Variants in ADCY8 observed in about 807,000 individuals in gnomAD.
ADCY8 encodes adenylate cyclase 8.
A neutral mutation model predicts 119.7 loss-of-function variants in ADCY8; 51 were observed. The ratio of observed to expected loss-of-function variants is 0.43; its 90% CI spans 0.34 to 0.54. The LOEUF (loss-of-function observed/expected upper bound fraction) is 0.54, where lower values mean the gene tolerates loss of function less well. ADCY8 is among the 20% of genes least tolerant of loss of function. ADCY8 has a pLI of 0.03. For missense variants in ADCY8, 1,383 were observed against 1,598.8 expected (o/e 0.87, Z 2.30); for synonymous variants, 665 against 651.0 (o/e 1.02, Z -0.33).
intron 9 of ADCY8, among the ~76,000 whole-genome samples, chr8:130,856,433 G>C (rs546833431): frequency 1.3e-5 from 2 of 152,110 alleles, no homozygotes; most frequent in South Asian, 2.1e-4. Context: ...AGACACGGCC[G>C]GGCCCTTCTT....
chr8:130,826,880 A>G (rs1415295761), intron 12 of ADCY8, among the ~76,000 whole-genome samples: 3 of 150,310 alleles, frequency 2.0e-5, no homozygotes, highest in Non-Finnish European at 4.4e-5. Context: ...AGATCTTAAG[A>G]TATTTTGTTG....
At chr8:131,011,472 A>G (rs753401524) in intron 1 of ADCY8, among the ~76,000 whole-genome samples, 2 of 152,182 alleles carry the variant, frequency 1.3e-5, no homozygotes, top group Admixed American at 6.5e-5. Flanking sequence ...GACCTGGGCC[A>G]GCAGGTCACT....
intron 12 of ADCY8, among the ~76,000 whole-genome samples, chr8:130,827,653 G>A (rs576002409): frequency 2.0e-5 from 3 of 152,242 alleles, no homozygotes; most frequent in South Asian, 4.2e-4. Context: ...AACCACTTGT[G>A]TATGTCTGTG....
chr8:131,006,692 C>A (rs1823129434), intron 1 of ADCY8, among the ~76,000 whole-genome samples: 1 of 152,072 alleles, frequency 6.6e-6, no homozygotes, highest in East Asian at 1.9e-4. Flanking sequence ...CAATGCTGGG[C>A]AACATTGATA....
intron 4 of ADCY8, among the ~76,000 whole-genome samples, chr8:130,941,493 A>G (rs1447572206): frequency 6.6e-6 from 1 of 152,004 alleles, no homozygotes; most frequent in Non-Finnish European, 1.5e-5. Context: ...GATAAAAAAT[A>G]TCAGAACCAT....
At chr8:130,961,944 C>T (rs1204002926) in intron 2 of ADCY8, among the ~76,000 whole-genome samples, 1 of 152,128 alleles carries the variant, frequency 6.6e-6, no homozygotes, top group African/African-American at 2.4e-5. Flanking sequence ...CACCGTACTC[C>T]AGCCTGGGCA....
chr8:130,942,582 C>G (rs1820988156), intron 4 of ADCY8, among the ~76,000 whole-genome samples: 1 of 152,206 alleles, frequency 6.6e-6, no homozygotes, highest in Non-Finnish European at 1.5e-5. Flanking sequence ...GCAGCCTTAA[C>G]AGAGGACATT....
intron 1 of ADCY8, among the ~76,000 whole-genome samples, chr8:131,011,355 C>T (rs541274444): frequency 9.2e-5 from 14 of 152,138 alleles, no homozygotes; most frequent in South Asian, 2.1e-4. Context: ...GAGTGAATAC[C>T]GATTCAATTC....
chr8:130,876,555 C>T (rs1020628504), intron 8 of ADCY8, among the ~76,000 whole-genome samples: 6 of 152,076 alleles, frequency 3.9e-5, no homozygotes, highest in African/African-American at 7.2e-5. Context: ...TTGATTCTTA[C>T]GTGTTCATGC....
At position 130,921,557 on chromosome 8, in the gene ADCY8, A is replaced by G. The variant is rs192359379; in HGVS notation, c.1482-11691T>C. ...CAACCTCTGCCTCCCGGGTTCCAGC[A>G]ATTCTCCTGCCTCAGCCTCCCTAGT... On this transcript the variant is annotated intron_variant, in intron 5 of 17. Transcript: ENST00000286355. 3.7e-3 allele frequency among the ~76,000 whole-genome samples: 561 copies of G among 150,278 alleles called. 6 individuals carry two copies. The highest frequency in any genetic ancestry group is 0.012 in the African/African-American group (506 of 40,834).
At chr8:130,884,788 A>G (rs977133256) in intron 7 of ADCY8, 27 bp from the exon 8 acceptor site, 22 of 1,603,942 alleles carry the variant, frequency 1.4e-5, no homozygotes, top group Non-Finnish European at 1.8e-5. Context: ...TGCAAACACA[A>G]TAAACCTGCT....
Position 130,884,873 on chromosome 8 carries a change from C to A in ADCY8, c.1912-112G>T, listed in dbSNP as rs557460808. On this transcript the variant is annotated intron_variant, in intron 7 of 17. Transcript: ENST00000286355. ...TTGCAAACAGTAATAGCATTCCATG[C>A]AGTTGTATTCAGTGAAACCTACAGA... 1.9e-5 allele frequency: 20 copies of A among 1,039,552 alleles called. No individual in the cohort carries two copies. In the African/African-American group the frequency reaches 2.8e-4, roughly 15 times the overall value. 64.4% of individuals were successfully genotyped at this position (1,039,552 alleles called of 1,614,324 possible). A position where few individuals can be genotyped will look rare whatever the true frequency, so the allele number is the denominator to read the frequency against.
At chr8:130,891,606 T>C (rs781613045) in intron 7 of ADCY8, among the ~76,000 whole-genome samples, 17 of 152,142 alleles carry the variant, frequency 1.1e-4, no homozygotes, top group Non-Finnish European at 2.1e-4. Context: ...ATGGTTTGCA[T>C]TGAGGACCTC....
intron 14 of ADCY8, among the ~76,000 whole-genome samples, chr8:130,813,102 C>A (rs551612861): frequency 1.3e-5 from 2 of 152,212 alleles, no homozygotes; most frequent in Admixed American, 6.5e-5. Flanking sequence ...CGCCTGCCCC[C>A]ACGCTTGGCT....
chr8:130,785,088 A>G (rs1815208254), intron 16 of ADCY8, among the ~76,000 whole-genome samples: 1 of 152,242 alleles, frequency 6.6e-6, no homozygotes, highest in African/African-American at 2.4e-5. Flanking sequence ...GGGGTTTAGT[A>G]AGATCCACAA....
chr8:130,960,358 T>C (rs1469237987), intron 2 of ADCY8, among the ~76,000 whole-genome samples: 1 of 152,168 alleles, frequency 6.6e-6, no homozygotes, highest in Non-Finnish European at 1.5e-5. Context: ...ACATCATTAA[T>C]TGACTTGAAC....
chr8:130,794,034 C>T (rs904696250), intron 15 of ADCY8, among the ~76,000 whole-genome samples: 1 of 152,026 alleles, frequency 6.6e-6, no homozygotes, highest in Non-Finnish European at 1.5e-5. Flanking sequence ...GAGGAGAGGG[C>T]ACAGAGACAC....
chr8:131,028,393 A>T (rs1823887584), intron 1 of ADCY8, among the ~76,000 whole-genome samples: 1 of 152,226 alleles, frequency 6.6e-6, no homozygotes, highest in African/African-American at 2.4e-5. Flanking sequence ...TAGTCACTGC[A>T]CATTGACCAC....
At chr8:130,817,637 C>T (rs1280168265) in intron 13 of ADCY8, among the ~76,000 whole-genome samples, 1 of 152,106 alleles carries the variant, frequency 6.6e-6, no homozygotes. Flanking sequence ...CTAATAATTG[C>T]AATGAATTGA....
Sources: gnomAD v4.1 joint callset for allele counts (sites outside exome capture counted in the v4.1 genomes callset) on GRCh38, gnomAD v4.1.1 for gene constraint, MANE v1.5 for transcripts, NCBI Gene and HGNC (gene_info 2026-07-23, HGNC 2026-07-21) for gene names.